The following SBK1 variants were observed in gnomAD, a reference collection of about 807,000 sequenced individuals.
SBK1 encodes the protein SH3 domain binding kinase 1, also known as serine/threonine-protein kinase SBK1.
Under a neutral mutation model 24.4 loss-of-function variants are expected in SBK1, and 11 were observed. The observed-to-expected ratio is 0.45, with a 90% CI of 0.28 to 0.75. The LOEUF (loss-of-function observed/expected upper bound fraction) is 0.75. Among genes scored for constraint, SBK1 ranks in the 30% least tolerant of loss-of-function variants. The probability of loss-of-function intolerance (pLI) is 0.12; values close to 1 mark genes in which losing one functional copy is unlikely to be tolerated. For synonymous variants in SBK1, 308 were observed against 284.4 expected, an observed-to-expected ratio of 1.08 and a Z score of -0.83; for missense variants, 467 against 620.5, an observed-to-expected ratio of 0.75 and a Z score of 2.63.
Position 28,292,531 on chromosome 16 carries a change from G to T in SBK1, c.-777G>T, listed in dbSNP as rs1474397839. Reference sequence around the variant, plus strand: ...GGCTGGAGGGCGGAGCCGCGATGCCGCGATGGAGCGCAGCCCGGGCGGGCG... The same window carrying T: ...GGCTGGAGGGCGGAGCCGCGATGCCTCGATGGAGCGCAGCCCGGGCGGGCG... On this transcript the variant is annotated 5_prime_UTR_variant, in exon 1 of 4. Transcript: ENST00000341901. 3.1e-6 allele frequency: 3 copies of T among 979,202 alleles called. No individual in the cohort carries two copies. The highest frequency in any genetic ancestry group is 6.4e-5 in the Admixed American group (1 of 15,742). The allele number at this position is 979,202 out of a possible 1,614,324, so 60.7% of individuals were successfully genotyped here. A position where few individuals can be genotyped will look rare whatever the true frequency, so the allele number is the denominator to read the frequency against.
At chr16:28,318,257 G>C (rs543015663) in intron 2 of SBK1, among the ~76,000 whole-genome samples, 34 of 152,346 alleles carry the variant, frequency 2.2e-4, no homozygotes, top group African/African-American at 7.9e-4. Flanking sequence ...CCAGCCAGGG[G>C]CTGGGGCTGT....
Position 28,319,964 on chromosome 16 carries a change from G to T in SBK1, c.430-112G>T. 2.7e-6 allele frequency: 3 copies of T among 1,096,798 alleles called. No individual in the cohort carries two copies. The highest frequency in any genetic ancestry group is 3.7e-6 in the Non-Finnish European group (3 of 805,732). 67.9% of individuals were successfully genotyped at this position (1,096,798 alleles called of 1,614,324 possible). ...GTCTGCGCGGTCGCCCCAGTTACTGGGGACAGGGTGGGAGGCGAAAACCGC... is the reference window on the plus strand; with the variant it reads ...GTCTGCGCGGTCGCCCCAGTTACTGTGGACAGGGTGGGAGGCGAAAACCGC... On this transcript the variant is annotated intron_variant, in intron 3 of 3. Transcript: ENST00000341901. The surrounding 1 kb of genome is among the most constrained non-coding windows in gnomAD (Gnocchi z 4.0).
chr16:28,321,875 G>C lies in SBK1; in HGVS notation c.*954G>C, dbSNP rs572954991. On this transcript the variant is annotated 3_prime_UTR_variant, in exon 4 of 4. Coordinates refer to ENST00000341901, the MANE Select transcript of SBK1 (RefSeq NM_001024401.3). ...TCCCAGGCCCAGGGACCTCTGCCGG[G>C]TCCTCCCAGCCCTTGCCACACAGCC... 1 of 152,278 alleles carries C rather than the reference G, an allele frequency of 6.6e-6. No individual in the cohort carries two copies. The highest frequency in any genetic ancestry group is 1.5e-5 in the Non-Finnish European group (1 of 68,058). 9.4% of individuals were successfully genotyped at this position (152,278 alleles called of 1,614,324 possible). A position where few individuals can be genotyped will look rare whatever the true frequency, so the allele number is the denominator to read the frequency against.
intron 1 of SBK1, among the ~76,000 whole-genome samples, chr16:28,280,149 A>ATATATGTGTGTG (rs1230385223): frequency 1.0e-4 from 4 of 39,412 alleles, no homozygotes; most frequent in African/African-American, 1.6e-4. Context: ...ATATATATAT[A>ATATATGTGTGTG]TGTGTGTGTG....
At chr16:28,292,523 G>C, upstream of SBK1, 1 of 979,088 alleles carries the variant, frequency 1.0e-6, no homozygotes, top group Non-Finnish European at 1.2e-6. Context: ...GGGCGGAGCC[G>C]CGATGCCGCG....
chr16:28,260,770 A>G (rs2044392620), intron 1 of SBK1, among the ~76,000 whole-genome samples: 1 of 152,094 alleles, frequency 6.6e-6, no homozygotes. Context: ...CTGCTAGGAG[A>G]GACAAAAGAG....
At chr16:28,305,646 C>T (rs1053040349) in intron 1 of SBK1, among the ~76,000 whole-genome samples, 2 of 151,958 alleles carry the variant, frequency 1.3e-5, no homozygotes, top group Non-Finnish European at 2.9e-5. Context: ...ATTCTCCTGC[C>T]TCAGCCTCCC....
At chr16:28,261,630 A>T (rs1246044984) in intron 1 of SBK1, among the ~76,000 whole-genome samples, 1 of 152,180 alleles carries the variant, frequency 6.6e-6, no homozygotes, top group East Asian at 1.9e-4. Context: ...ACCCTGTCTC[A>T]AAAAAGAGAA....
Position 28,266,950 on chromosome 16 carries a change from AGGCT to A in SBK1, c.257+7451_257+7454del, listed in dbSNP as rs2044432890. 1.3e-5 allele frequency among the ~76,000 whole-genome samples: 2 copies of A among 151,586 alleles called. 1 individual carries two copies. The highest frequency in any genetic ancestry group is 4.2e-4 in the South Asian group (2 of 4,798). ...CAGACAGAGTCTCACTCTGTCGCCC[AGGCT>A]GGAGTGCAGTGGTGCGATCTCAGCA... On this transcript the variant is annotated intron_variant, in intron 1 of 3. Coordinates refer to the SBK1 transcript ENST00000671413.
chr16:28,317,559 C>G lies in SBK1; in HGVS notation c.168C>G (p.Val56=), dbSNP rs2141591131. ...ASDVTKHYEL[V]RELGKGTYGK... ...ACGTCACCAAGCACTACGAACTAGT[C>G]CGGGAGCTGGGCAAAGGCACCTATG... Residue 56 remains valine, a synonymous_variant, in exon 2 of 4, where the codon GTC becomes GTG. Transcript: ENST00000341901. This position sits in a 1 kb window ranked among gnomAD's most constrained non-coding sequence, Gnocchi z 4.2. 1 of 1,614,210 alleles carries G rather than the reference C, an allele frequency of 6.2e-7. No homozygotes were observed. The highest frequency in any genetic ancestry group is 1.3e-5 in the African/African-American group (1 of 75,054).
chr16:28,308,957 C>G (rs1231569490), intron 1 of SBK1, among the ~76,000 whole-genome samples: 1 of 152,074 alleles, frequency 6.6e-6, no homozygotes. Context: ...CAGATCTGAG[C>G]TCTTCTGCTT....
At chr16:28,294,596 G>A (rs568881054) in intron 1 of SBK1, among the ~76,000 whole-genome samples, 3 of 152,218 alleles carry the variant, frequency 2.0e-5, no homozygotes, top group Non-Finnish European at 4.4e-5. Context: ...TGGGCCTGTT[G>A]AAGTGGACCG....
chr16:28,285,455 T>G (rs1471771093), intron 1 of SBK1: 1 of 152,116 alleles, frequency 6.6e-6, no homozygotes, highest in African/African-American at 2.4e-5. Context: ...CTCGGGAGGC[T>G]GAGGCAGGAG....
chr16:28,279,046 T>G (rs1436288793), intron 1 of SBK1, among the ~76,000 whole-genome samples: 1 of 151,438 alleles, frequency 6.6e-6, no homozygotes, highest in African/African-American at 2.4e-5. Context: ...ACCAACATGG[T>G]CAAACCCGCT....
chr16:28,292,937 C>T lies in SBK1; in HGVS notation c.-371C>T. 2 of 970,550 alleles carry T rather than the reference C, an allele frequency of 2.1e-6. No individual in the cohort carries two copies. The highest frequency in any genetic ancestry group is 6.2e-5 in the Admixed American group (1 of 16,236). 60.1% of individuals were successfully genotyped at this position (970,550 alleles called of 1,614,324 possible). A position where few individuals can be genotyped will look rare whatever the true frequency, so the allele number is the denominator to read the frequency against. Reference sequence around the variant, plus strand: ...TGGGCCCCCGCCCCAAGACCTAGAACGCAGTGCCCCCAGGCCGGGATTGCG... The same window carrying T: ...TGGGCCCCCGCCCCAAGACCTAGAATGCAGTGCCCCCAGGCCGGGATTGCG... On this transcript the variant is annotated 5_prime_UTR_variant, in exon 1 of 4. In the 5' UTR this introduces an upstream ATG that the reference lacks. Coordinates refer to ENST00000341901, the MANE Select transcript of SBK1 (RefSeq NM_001024401.3).
At chr16:28,286,125 C>A (rs2044563945) in intron 1 of SBK1, 1 of 152,408 alleles carries the variant, frequency 6.6e-6, no homozygotes, top group Non-Finnish European at 1.5e-5. Flanking sequence ...CTGCACGTCC[C>A]GGGCACCTGT....
intron 1 of SBK1, among the ~76,000 whole-genome samples, chr16:28,270,884 G>A (rs1411411297): frequency 6.7e-6 from 1 of 149,308 alleles, no homozygotes; most frequent in Non-Finnish European, 1.5e-5. Flanking sequence ...TATTTTTTGA[G>A]ACGGAGTCTT....
In SBK1 at chr16:28,322,604, G is replaced by C. The variant is rs1274257796; in HGVS notation, c.*1683G>C. ...CCTGCCCGGGTCCAGTTTACAAACA[G>C]TGTGGGGTGGCCCCAGGGCCTGGCC... On this transcript the variant is annotated 3_prime_UTR_variant, in exon 4 of 4. Transcript: ENST00000341901. The C allele has an allele frequency of 6.5e-6, 1 of 153,094 alleles. No homozygotes were observed. Among genetic ancestry groups the C allele is most frequent in the Non-Finnish European group, 1.5e-5 (1 of 68,342 alleles). The allele number at this position is 153,094 out of a possible 1,614,324, so 9.5% of individuals were successfully genotyped here.
At chr16:28,267,932 G>A (rs1463044025) in intron 1 of SBK1, among the ~76,000 whole-genome samples, 4 of 152,156 alleles carry the variant, frequency 2.6e-5, no homozygotes, top group Non-Finnish European at 5.9e-5. Flanking sequence ...AGGATTGCTT[G>A]AGGCCAGGAG....
Sources: gnomAD v4.1 joint callset for allele counts (sites outside exome capture counted in the v4.1 genomes callset) on GRCh38, gnomAD v4.1.1 for gene constraint, Gnocchi (gnomAD v3.1) non-coding constraint, MANE v1.5 for transcripts, NCBI Gene and HGNC (gene_info 2026-07-23, HGNC 2026-07-21) for gene names.